ELP4: variants seen among roughly 807,000 people sequenced by gnomAD.
The protein encoded by ELP4 is elongator acetyltransferase complex subunit 4.
ELP4 carries 51 observed loss-of-function variants against 48.9 expected under a neutral mutation model. That is an observed-to-expected ratio of 1.04 (90% CI 0.83 to 1.32). ELP4 has a LOEUF of 1.32. ELP4 is among the 40% of genes most tolerant of loss of function. The probability of loss-of-function intolerance (pLI) is 0.00; values close to 1 mark genes in which losing one functional copy is unlikely to be tolerated. For missense variants in ELP4, 519 were observed against 514.6 expected (o/e 1.01, Z -0.08); for synonymous variants, 210 against 189.2 (o/e 1.11, Z -0.90).
At chr11:31,774,681 G>A (rs753208854) in intron 9 of ELP4, among the ~76,000 whole-genome samples, 2 of 152,182 alleles carry the variant, frequency 1.3e-5, no homozygotes, top group Non-Finnish European at 2.9e-5. Context: ...AGCATAACAA[G>A]GCTCACCAGC....
intron 2 of ELP4, among the ~76,000 whole-genome samples, chr11:31,529,350 AG>A (rs1778901450): frequency 1.3e-5 from 2 of 152,260 alleles, no homozygotes; most frequent in South Asian, 4.1e-4. Context: ...GCAGGCCCAA[AG>A]AACTAGCACA....
chr11:31,562,896 T>C (rs939780692), intron 3 of ELP4, among the ~76,000 whole-genome samples: 2 of 152,162 alleles, frequency 1.3e-5, no homozygotes, highest in Non-Finnish European at 2.9e-5. Flanking sequence ...TTCTAAATAT[T>C]TTCAATGAAG....
chr11:31,590,472 A>C (rs1054375040), intron 3 of ELP4, among the ~76,000 whole-genome samples: 5 of 152,228 alleles, frequency 3.3e-5, no homozygotes, highest in African/African-American at 1.2e-4. Flanking sequence ...AAGAAAACAT[A>C]AGTATAAACC....
At chr11:31,520,927 A>C (rs79405154) in intron 2 of ELP4, among the ~76,000 whole-genome samples, 4,028 of 152,130 alleles carry the variant, frequency 0.026, 165 homozygotes, top group African/African-American at 0.091. Context: ...CCCCGACCTA[A>C]ATACAGTATT....
intron 1 of ELP4, chr11:31,510,655 G>A: frequency 3.0e-6 from 1 of 328,774 alleles, no homozygotes; most frequent in Admixed American, 4.8e-5. Context: ...TTGCTTCCCA[G>A]TATTGATTGC....
intron 5 of ELP4, among the ~76,000 whole-genome samples, chr11:31,604,371 G>A (rs1957834113): frequency 6.6e-6 from 1 of 151,230 alleles, no homozygotes; most frequent in Non-Finnish European, 1.5e-5. Context: ...TTTTATTTAT[G>A]AAGGCTTTCT....
At chr11:31,552,298 C>T (rs138156696) in intron 3 of ELP4, among the ~76,000 whole-genome samples, 164 of 152,198 alleles carry the variant, frequency 1.1e-3, no homozygotes, top group Non-Finnish European at 1.9e-3. Flanking sequence ...CACGTCTGCC[C>T]CAAGGATGTC....
In ELP4 at chr11:31,603,836, A is replaced by C; in HGVS notation, c.582A>C (p.Leu194=). 2 of 1,611,294 alleles carry C rather than the reference A, an allele frequency of 1.2e-6. No individual in the cohort carries two copies. The highest frequency in any genetic ancestry group is 2.2e-5 in the South Asian group (2 of 90,826). The change falls in exon 5 of 10, where the codon CTA becomes CTC. Residue 194 remains leucine, a synonymous_variant. Transcript: ENST00000640961. ...CATCAAAAAGAATGCCACAAGAACT[A>C]ATTGAGGCTTCAAATTGGCATGGAT... is the stretch of plus-strand genomic sequence containing the variant. ...YDASKRMPQE[L]IEASNWHGFF...
intron 9 of ELP4, among the ~76,000 whole-genome samples, chr11:31,674,693 A>G (rs926215140): frequency 3.3e-5 from 5 of 152,238 alleles, no homozygotes; most frequent in African/African-American, 1.2e-4. Context: ...TGGAGATAAA[A>G]GCCTCTTCCC....
chr11:31,638,099 T>A (rs1945018375), intron 7 of ELP4, among the ~76,000 whole-genome samples: 1 of 151,892 alleles, frequency 6.6e-6, no homozygotes, highest in Non-Finnish European at 1.5e-5. Context: ...TCACAGCATT[T>A]TTTTCAAAAA....
chr11:31,539,679 A>G lies in ELP4; in HGVS notation c.277A>G (p.Ile93Val), dbSNP rs1311567496. 4 of 1,606,500 alleles carry G rather than the reference A, an allele frequency of 2.5e-6. No individual in the cohort carries two copies. The highest frequency in any genetic ancestry group is 1.3e-5 in the African/African-American group (1 of 74,684). The change falls in exon 3 of 10, where the codon ATT (isoleucine) becomes GTT (valine). Residue 93 changes from isoleucine (I) to valine (V), a missense_variant. Coordinates refer to ENST00000640961, the MANE Select transcript of ELP4 (RefSeq NM_019040.5). ...VLLIEEDKYN[I>V]YSPLLFKYFL... is the part of the protein sequence containing the mutation. ...TTTTACAGAGGAGGATAAATATAAT[A>G]TTTACTCACCTTTGCTCTTCAAGTA...
At chr11:31,587,614 A>G (rs1957498400) in intron 3 of ELP4, among the ~76,000 whole-genome samples, 1 of 151,872 alleles carries the variant, frequency 6.6e-6, no homozygotes, top group Non-Finnish European at 1.5e-5. Flanking sequence ...AGTTCTTTCC[A>G]TTTTACTTTA....
chr11:31,747,083 A>G (rs1455362151), intron 9 of ELP4, among the ~76,000 whole-genome samples: 1 of 151,958 alleles, frequency 6.6e-6, no homozygotes, highest in African/African-American at 2.4e-5. Flanking sequence ...CTGACTGTGC[A>G]AGCCCTAATT....
chr11:31,640,635 C>T (rs1199153445), intron 7 of ELP4, among the ~76,000 whole-genome samples: 2 of 152,002 alleles, frequency 1.3e-5, no homozygotes, highest in East Asian at 3.9e-4. Flanking sequence ...AGGCTTGTAA[C>T]CTCTTTTTCT....
chr11:31,653,635 G>T (rs181338601), intron 9 of ELP4: 1 of 151,482 alleles, frequency 6.6e-6, no homozygotes, highest in African/African-American at 2.4e-5. Flanking sequence ...TACTTAATAG[G>T]TATAAAGTCT....
intron 7 of ELP4, among the ~76,000 whole-genome samples, chr11:31,640,515 A>G (rs1399194882): frequency 6.6e-6 from 1 of 151,866 alleles, no homozygotes; most frequent in Non-Finnish European, 1.5e-5. Context: ...TCCCTTTCCT[A>G]TTAATTACAT....
intron 2 of ELP4, among the ~76,000 whole-genome samples, chr11:31,533,807 A>G (rs1266247557): frequency 2.0e-5 from 3 of 151,972 alleles, no homozygotes; most frequent in African/African-American, 7.2e-5. Context: ...ACAGTCATTT[A>G]GGTAAGAGTT....
intron 3 of ELP4, 143 bp from the exon 4 acceptor site, chr11:31,594,627 A>G (rs1374219930): frequency 1.1e-5 from 5 of 473,486 alleles, no homozygotes; most frequent in South Asian, 9.0e-5. Flanking sequence ...AGAAATGTCT[A>G]TTTTTATGAA....
At chr11:31,722,435 C>T (rs1946983372) in intron 9 of ELP4, among the ~76,000 whole-genome samples, 1 of 152,026 alleles carries the variant, frequency 6.6e-6, no homozygotes, top group South Asian at 2.1e-4. Flanking sequence ...TTGACATTGT[C>T]TATATTCAGA....
Sources: gnomAD v4.1 joint callset for allele counts (sites outside exome capture counted in the v4.1 genomes callset) on GRCh38, gnomAD v4.1.1 for gene constraint, MANE v1.5 for transcripts, NCBI Gene and HGNC (gene_info 2026-07-23, HGNC 2026-07-21) for gene names.